RBM39: variants seen among roughly 807,000 people sequenced by gnomAD.
RBM39 encodes the protein RNA binding motif protein 39.
In RBM39, 12 loss-of-function variants were observed where a neutral mutation model predicts 79.6. The ratio of observed to expected loss-of-function variants is 0.15; its 90% CI spans 0.10 to 0.24. The LOEUF (loss-of-function observed/expected upper bound fraction) is 0.24. Ranked by LOEUF, RBM39 falls within the 10% of genes least tolerant of loss-of-function variation. RBM39 has a pLI of 1.00. For missense variants in RBM39, 243 were observed against 653.4 expected (o/e 0.37, Z 6.85); for synonymous variants, 185 against 208.4 (o/e 0.89, Z 0.97).
intron 9 of RBM39, among the ~76,000 whole-genome samples, chr20:35,718,535 GGCTCCGTGACTCAT>G (rs2037465972): frequency 6.6e-6 from 1 of 151,940 alleles, no homozygotes; most frequent in Non-Finnish European, 1.5e-5. Context: ...AAGTAGGTTG[GGCTCCGTGACTCAT>G]GCCTGTAATC....
chr20:35,716,386 T>G (rs2037134543), intron 10 of RBM39, among the ~76,000 whole-genome samples: 1 of 152,168 alleles, frequency 6.6e-6, no homozygotes, highest in South Asian at 2.1e-4. Flanking sequence ...AAAAACTAAT[T>G]TAAAGCACTT....
chr20:35,712,960 G>A (rs1569000452), intron 12 of RBM39, 59 bp downstream of exon 12: 1 of 1,439,532 alleles, frequency 6.9e-7, no homozygotes, highest in East Asian at 2.4e-5. Flanking sequence ...GTAAAAATTT[G>A]GAAAATTTTC....
intron 10 of RBM39, among the ~76,000 whole-genome samples, chr20:35,716,353 C>G (rs1354539244): frequency 6.6e-6 from 1 of 152,198 alleles, no homozygotes; most frequent in African/African-American, 2.4e-5. Flanking sequence ...GGATTACAGG[C>G]ATAAGCCACC....
rs1288540218 is a variant in RBM39 at position 35,740,705 on chromosome 20, C to A, written c.51+119G>T. On this transcript the variant is annotated intron_variant, in intron 2 of 16. Coordinates refer to ENST00000253363, the MANE Select transcript of RBM39 (RefSeq NM_184234.3). The stretch of plus-strand genomic sequence containing the variant: ...TTACTTTTGTAAGTTACACGTAATG[C>A]ATCTCTGATAAGATAAATCAAGAGG... 3.3e-5 allele frequency: 43 copies of A among 1,295,908 alleles called. No homozygotes were observed. In the Admixed American group the frequency reaches 7.8e-4, roughly 23 times the overall value. 80.3% of individuals were successfully genotyped at this position (1,295,908 alleles called of 1,614,324 possible). A position where few individuals can be genotyped will look rare whatever the true frequency, so the allele number is the denominator to read the frequency against.
At chr20:35,714,075 C>G (rs2036809957) in intron 11 of RBM39, 110 bp downstream of exon 11, 1 of 1,078,158 alleles carries the variant, frequency 9.3e-7, no homozygotes, top group Non-Finnish European at 1.3e-6. Context: ...AGGATAACGC[C>G]AACTACAAAA....
chr20:35,721,962 A>C, intron 8 of RBM39, 85 bp from the exon 9 acceptor site: 2 of 1,472,332 alleles, frequency 1.4e-6, no homozygotes, highest in Non-Finnish European at 1.9e-6. Context: ...AACTAATGTT[A>C]AAGTTTAGAG....
In RBM39 at chr20:35,725,173, T is replaced by C. The variant is rs766587253; in HGVS notation, c.417-18A>G. The C allele has an allele frequency of 6.4e-5, 88 of 1,371,386 alleles. No homozygotes were observed. The highest frequency in any genetic ancestry group is 5.0e-4 in the Middle Eastern group (2 of 4,008). The allele number at this position is 1,371,386 out of a possible 1,614,324, so 85.0% of individuals were successfully genotyped here. On this transcript the variant is annotated intron_variant, in intron 6 of 16. Transcript: ENST00000253363. Reference sequence around the variant, plus strand: ...TAGGTTCTCTAATAGGAGTAAAACATATAAAATTAATTTCATAACAGATTT... The same window carrying C: ...TAGGTTCTCTAATAGGAGTAAAACACATAAAATTAATTTCATAACAGATTT...
intron 13 of RBM39, 120 bp downstream of exon 13, chr20:35,709,104 G>A (rs2036104408): frequency 1.3e-6 from 1 of 784,562 alleles, no homozygotes; most frequent in Non-Finnish European, 2.0e-6. Context: ...ATGTGTCACT[G>A]TGTCAAAATT....
intron 3 of RBM39, among the ~76,000 whole-genome samples, chr20:35,736,321 G>C (rs2146723084): frequency 6.6e-6 from 1 of 152,132 alleles, no homozygotes; most frequent in Admixed American, 6.5e-5. Flanking sequence ...CTTGTGATTG[G>C]TGAGGAACTA....
intron 10 of RBM39, among the ~76,000 whole-genome samples, chr20:35,715,349 T>C (rs966017522): frequency 7.2e-5 from 11 of 152,172 alleles, no homozygotes; most frequent in African/African-American, 2.4e-4. Flanking sequence ...TAATTTTTTA[T>C]ATTTTTAGTA....
At chr20:35,715,514 T>C (rs2036997774) in intron 10 of RBM39, among the ~76,000 whole-genome samples, 1 of 152,128 alleles carries the variant, frequency 6.6e-6, no homozygotes, top group African/African-American at 2.4e-5. Context: ...GTCTTGGTTG[T>C]GAGGTATGTA....
chr20:35,712,885 G>A, intron 12 of RBM39, 134 bp downstream of exon 12: 1 of 641,324 alleles, frequency 1.6e-6, no homozygotes. Flanking sequence ...TCCTTAAATA[G>A]AAGACTACAA....
At chr20:35,738,765 GA>G (rs2040240049) in intron 3 of RBM39, among the ~76,000 whole-genome samples, 1 of 152,206 alleles carries the variant, frequency 6.6e-6, no homozygotes, top group Non-Finnish European at 1.5e-5. Flanking sequence ...GAAGGTATCT[GA>G]AACTATATTC....
At chr20:35,731,915 C>T (rs2039410826) in intron 4 of RBM39, 26 bp downstream of exon 4, 2 of 1,606,434 alleles carry the variant, frequency 1.2e-6, no homozygotes, top group Non-Finnish European at 1.7e-6. Flanking sequence ...AACCCTCAAA[C>T]CAAAATCATA....
chr20:35,707,304 A>G (rs1268315460), intron 13 of RBM39, 103 bp from the exon 14 acceptor site: 2 of 611,396 alleles, frequency 3.3e-6, no homozygotes, highest in Non-Finnish European at 5.6e-6. Context: ...GCATGTAACT[A>G]GGATGTCACT....
intron 4 of RBM39, among the ~76,000 whole-genome samples, chr20:35,731,079 G>A (rs2039316280): frequency 6.6e-6 from 1 of 152,086 alleles, no homozygotes; most frequent in African/African-American, 2.4e-5. Context: ...GCTTAGCTTA[G>A]GGGATTAAGT....
At position 35,709,267 on chromosome 20, in the gene RBM39, A is replaced by G; in HGVS notation, c.1182T>C (p.Ser394=). The change falls in exon 13 of 17, where the codon TCT becomes TCC. Residue 394 remains serine, a synonymous_variant. Transcript: ENST00000253363. ...GTCTTGTTTGCAAATCTATAACAAA[A>G]GAGAATTCTACAGCTCAGTGCAGGA... ...SLAFGAVAEF[S]FVIDLQTRLS... 1 of 1,609,738 alleles carries G rather than the reference A, an allele frequency of 6.2e-7. No homozygotes were observed. The highest frequency in any genetic ancestry group is 8.5e-7 in the Non-Finnish European group (1 of 1,178,636).
intron 13 of RBM39, among the ~76,000 whole-genome samples, chr20:35,708,463 G>A (rs561259108): frequency 2.3e-4 from 35 of 152,188 alleles, no homozygotes; most frequent in Admixed American, 1.3e-3. Flanking sequence ...GCAGAACACA[G>A]TAAATCTAGG....
intron 4 of RBM39, 200 bp downstream of exon 4, chr20:35,731,741 A>T (rs2039391497): frequency 1.7e-6 from 1 of 602,894 alleles, no homozygotes; most frequent in African/African-American, 1.9e-5. Flanking sequence ...CAGTATGCCT[A>T]GTAAAAGCAA....
Sources: allele counts gnomAD v4.1 joint callset (sites outside exome capture counted in the v4.1 genomes callset), GRCh38; gene constraint gnomAD v4.1.1; transcripts MANE v1.5; gene names NCBI Gene and HGNC (gene_info 2026-07-23, HGNC 2026-07-21).